LIPC: variants seen among roughly 807,000 people sequenced by gnomAD.
LIPC encodes hepatic triacylglycerol lipase.
LIPC carries 44 observed loss-of-function variants against 50.7 expected under a neutral mutation model. That is an observed-to-expected ratio of 0.87 (90% CI 0.68 to 1.11). LIPC has a LOEUF of 1.11. LIPC is among the 50% of genes most tolerant of loss of function. LIPC has a pLI of 0.00. For synonymous variants in LIPC, 271 were observed against 256.4 expected (o/e 1.06, Z -0.54); for missense variants, 697 against 648.2 (o/e 1.08, Z -0.82).
chr15:58,542,051 C>T, intron 3 of LIPC, 84 bp downstream of exon 3: 4 of 1,425,900 alleles, frequency 2.8e-6, no homozygotes, highest in Non-Finnish European at 3.8e-6. Context: ...TGGTCTCCAA[C>T]AGCAGCCCAG....
At chr15:58,501,646 A>C (rs942675131) in intron 1 of LIPC, among the ~76,000 whole-genome samples, 4 of 152,218 alleles carry the variant, frequency 2.6e-5, no homozygotes, top group Non-Finnish European at 4.4e-5. Flanking sequence ...GGAAGAGTAC[A>C]TTAACTTGCC....
At position 58,542,692 on chromosome 15, in the gene LIPC, T is replaced by C. The variant is rs145111892; in HGVS notation, c.574+41T>C. On this transcript the variant is annotated intron_variant, in intron 4 of 8. Transcript: ENST00000299022. ...AACTCACACACTGATCTCCACTCCA[T>C]AGGGGCATCCAACAAGGACCTGCTT... is the stretch of plus-strand genomic sequence containing the variant. 211 of 1,329,492 alleles carry C rather than the reference T, an allele frequency of 1.6e-4. No homozygotes were observed. The African/African-American group carries it at 2.4e-3, about 15-fold the overall frequency. 82.4% of individuals were successfully genotyped at this position (1,329,492 alleles called of 1,614,324 possible).
At chr15:58,527,577 C>G (rs1236508757) in intron 1 of LIPC, among the ~76,000 whole-genome samples, 1 of 152,164 alleles carries the variant, frequency 6.6e-6, no homozygotes, top group Non-Finnish European at 1.5e-5. Context: ...TTACACCAGC[C>G]ACCTTATGGC....
At chr15:58,455,785 T>C (rs1894087979) in intron 1 of LIPC, among the ~76,000 whole-genome samples, 1 of 152,188 alleles carries the variant, frequency 6.6e-6, no homozygotes, top group Non-Finnish European at 1.5e-5. Flanking sequence ...ATAAATTGTA[T>C]AATACCTTGA....
chr15:58,507,684 C>G (rs1264955665), intron 1 of LIPC, among the ~76,000 whole-genome samples: 4 of 152,222 alleles, frequency 2.6e-5, no homozygotes, highest in African/African-American at 9.6e-5. Flanking sequence ...CCACCAGGCA[C>G]TGTGTAGAGG....
rs757690436 is a variant in LIPC, at chr15:58,563,690, C to T, written c.1355C>T (p.Thr452Met). The change falls in exon 8 of 9, where the codon ACG (threonine) becomes ATG (methionine). Residue 452 changes from threonine to methionine, a missense_variant. Coordinates refer to ENST00000299022, the MANE Select transcript of LIPC (RefSeq NM_000236.3). ...GPRHSGLVLKTIRVKAGETQQ... is the reference protein window; with the variant it reads ...GPRHSGLVLKMIRVKAGETQQ... ...CGCCACTCAGGCCTCGTTCTGAAGA[C>T]GATCAGAGTCAAAGCAGGAGAAACC... 35 of 1,613,486 alleles carry T rather than the reference C, an allele frequency of 2.2e-5. No homozygotes were observed. Among genetic ancestry groups the T allele is most frequent in the East Asian group, 1.8e-4 (8 of 44,896 alleles).
At chr15:58,533,948 GA>G (rs1201410413) in intron 1 of LIPC, among the ~76,000 whole-genome samples, 5 of 151,964 alleles carry the variant, frequency 3.3e-5, no homozygotes, top group African/African-American at 7.2e-5. Flanking sequence ...ATTTGAAGGG[GA>G]AAAAAAAGGC....
At position 58,569,461 on chromosome 15, in the gene LIPC, A is replaced by C. The variant is rs1566956022; in HGVS notation, c.*634A>C. 6.6e-6 allele frequency: 1 copy of C among 152,260 alleles called. No homozygotes were observed. The highest frequency in any genetic ancestry group is 1.5e-5 in the Non-Finnish European group (1 of 68,044). 9.4% of individuals were successfully genotyped at this position (152,260 alleles called of 1,614,324 possible). On this transcript the variant is annotated 3_prime_UTR_variant, in exon 9 of 9. Transcript: ENST00000299022. ...TAATGGAATTACAAATTAAATAAAC[A>C]TAATTATTATATCTTACTAATGCTT...
At position 58,569,551 on chromosome 15, in the gene LIPC, A is replaced by C. The variant is rs1033964966; in HGVS notation, c.*724A>C. On this transcript the variant is annotated 3_prime_UTR_variant, in exon 9 of 9. Coordinates refer to ENST00000299022, the MANE Select transcript of LIPC (RefSeq NM_000236.3). ...GCATTTGCTATGGACTGAATGTTTGAGTCACCCCAAAATTCATATGCTGAA... is the reference window on the plus strand; with the variant it reads ...GCATTTGCTATGGACTGAATGTTTGCGTCACCCCAAAATTCATATGCTGAA... The C allele has an allele frequency of 4.6e-5, 7 of 152,232 alleles. No homozygotes were observed. Among genetic ancestry groups the C allele is most frequent in the Non-Finnish European group, 8.8e-5 (6 of 68,038 alleles). The allele number at this position is 152,232 out of a possible 1,614,324, so 9.4% of individuals were successfully genotyped here.
chr15:58,545,619 A>G, intron 4 of LIPC, 123 bp from the exon 5 acceptor site: 1 of 800,814 alleles, frequency 1.2e-6, no homozygotes, highest in Non-Finnish European at 2.0e-6. Context: ...GGGAAGGATC[A>G]GCCCTACGTG....
intron 1 of LIPC, among the ~76,000 whole-genome samples, chr15:58,459,657 G>C (rs1283788663): frequency 6.6e-6 from 1 of 152,188 alleles, no homozygotes; most frequent in African/African-American, 2.4e-5. Flanking sequence ...CCCCCACATA[G>C]GGTGTGGCCC....
intron 4 of LIPC, among the ~76,000 whole-genome samples, chr15:58,543,667 G>A (rs548411098): frequency 9.9e-4 from 150 of 151,948 alleles, no homozygotes; most frequent in African/African-American, 3.4e-3. Context: ...ACGGAGTTTC[G>A]CTCTTGTTGC....
chr15:58,455,644 A>G (rs965587678), intron 1 of LIPC, among the ~76,000 whole-genome samples: 1 of 152,182 alleles, frequency 6.6e-6, no homozygotes, highest in Admixed American at 6.5e-5. Context: ...CAGCCAACCT[A>G]CACTTGTCAT....
intron 8 of LIPC, chr15:58,564,152 A>ATCTCTC (rs60807082): frequency 0.38 from 60,716 of 160,806 alleles, 12,362 homozygotes; most frequent in Middle Eastern, 0.51. Context: ...ATCTCGATGT[A>ATCTCTC]TCTCTCTCTC....
chr15:58,553,868 A>G lies in LIPC; in HGVS notation c.1051+5296A>G, dbSNP rs79791400. ...GGACAACACCATCCTGGGCCCCTCA[A>G]TCCTATGATCTTCAGCTTCCCTCTG... is the stretch of plus-strand genomic sequence containing the variant. On this transcript the variant is annotated intron_variant, in intron 6 of 8. Coordinates refer to ENST00000299022, the MANE Select transcript of LIPC (RefSeq NM_000236.3). Among the ~76,000 whole-genome samples the G allele has an allele frequency of 4.0e-3, 606 of 152,122 alleles. 6 individuals are homozygous for G. Among genetic ancestry groups the G allele is most frequent in the African/African-American group, 0.014 (580 of 41,504 alleles).
intron 1 of LIPC, among the ~76,000 whole-genome samples, chr15:58,481,418 T>C (rs186142167): frequency 1.3e-5 from 2 of 152,340 alleles, no homozygotes; most frequent in Middle Eastern, 3.4e-3. Context: ...TTATCTGTAG[T>C]AGCAAAAGAC....
At chr15:58,515,415 A>G (rs1892454588) in intron 1 of LIPC, among the ~76,000 whole-genome samples, 1 of 152,160 alleles carries the variant, frequency 6.6e-6, no homozygotes, top group African/African-American at 2.4e-5. Context: ...AATACCATAG[A>G]GCAGCTACTA....
At chr15:58,444,103 C>T (rs1433107734) in intron 1 of LIPC, among the ~76,000 whole-genome samples, 4 of 152,210 alleles carry the variant, frequency 2.6e-5, no homozygotes, top group African/African-American at 9.7e-5. Context: ...AGAGGCCTGA[C>T]AGTCTCCTTC....
chr15:58,517,691 G>A (rs896483579), intron 1 of LIPC, among the ~76,000 whole-genome samples: 6 of 152,170 alleles, frequency 3.9e-5, no homozygotes, highest in East Asian at 1.9e-4. Flanking sequence ...AAACCCTGCC[G>A]AAACTATTCT....
Sources: gnomAD v4.1 joint callset for allele counts (sites outside exome capture counted in the v4.1 genomes callset) on GRCh38, gnomAD v4.1.1 for gene constraint, MANE v1.5 for transcripts, NCBI Gene and HGNC (gene_info 2026-07-23, HGNC 2026-07-21) for gene names.